PCDHGB2: variants seen among roughly 807,000 people sequenced by gnomAD.
PCDHGB2 encodes protocadherin gamma subfamily B, 2, also known as protocadherin gamma-B2.
PCDHGB2 carries 55 observed loss-of-function variants against 59.3 expected under a neutral mutation model. The observed-to-expected ratio is 0.93, with a 90% CI of 0.75 to 1.16. The LOEUF (loss-of-function observed/expected upper bound fraction) is 1.16, where lower values mean the gene tolerates loss of function less well. PCDHGB2 is among the 50% of genes most tolerant of loss of function. The pLI, the probability that PCDHGB2 is intolerant of heterozygous loss-of-function variation, is 0.00. For missense variants in PCDHGB2, 1,228 were observed against 1,198.5 expected (o/e 1.02, Z -0.36); for synonymous variants, 516 against 512.0 (o/e 1.01, Z -0.11).
At chr5:141,418,901 A>G in intron 1 of PCDHGB2, 1 of 1,614,016 alleles carries the variant, frequency 6.2e-7, no homozygotes, top group East Asian at 2.2e-5. Context: ...CCCAGAAATA[A>G]TCATCACGTC....
rs1562137828 is a variant in PCDHGB2 at position 141,490,359 on chromosome 5, T to C, written c.2422-4448T>C. On this transcript the variant is annotated intron_variant, in intron 1 of 3. Transcript: ENST00000522605. This position sits in a 1 kb window ranked among gnomAD's most constrained non-coding sequence, Gnocchi z 5.4. ...TGGGCACAGTAGTGGGGTTGTTTAA[T>C]GTGCGAGACCGGGACTCAGGTAGAA... The C allele has an allele frequency of 1.9e-6, 3 of 1,614,212 alleles. No individual in the cohort carries two copies. The highest frequency in any genetic ancestry group is 2.5e-6 in the Non-Finnish European group (3 of 1,180,036).
At chr5:141,395,196 G>T (rs1431851304) in intron 1 of PCDHGB2, 1 of 1,613,948 alleles carries the variant, frequency 6.2e-7, no homozygotes, top group Non-Finnish European at 8.5e-7. Context: ...GTTAACATCC[G>T]TAGATTTTCA....
chr5:141,370,752 A>G (rs1561547929), intron 1 of PCDHGB2: 1 of 1,613,836 alleles, frequency 6.2e-7, no homozygotes, highest in African/African-American at 1.3e-5. Flanking sequence ...TTTTCATGTA[A>G]CTGTGCTGAT....
At chr5:141,402,124 A>G (rs150020541) in intron 1 of PCDHGB2, among the ~76,000 whole-genome samples, 1 of 152,254 alleles carries the variant, frequency 6.6e-6, no homozygotes, top group East Asian at 1.9e-4. Flanking sequence ...AAAATTTCCA[A>G]CTTTAATCCT....
In PCDHGB2 at chr5:141,432,961, A is replaced by T. The variant is rs1457416543; in HGVS notation, c.2422-61846A>T. The T allele has an allele frequency of 1.5e-5, 25 of 1,613,952 alleles. 1 individual carries two copies. The South Asian group carries it at 2.3e-4, about 15-fold the overall frequency. ...AGGCTTCAGGAGGCGGCTTGACAGG[A>T]GCGCCGGCGTCGCACTTTGTGGGCG... On this transcript the variant is annotated intron_variant, in intron 1 of 3. Coordinates refer to ENST00000522605, the MANE Select transcript of PCDHGB2 (RefSeq NM_018923.3). This position sits in a 1 kb window ranked among gnomAD's most constrained non-coding sequence, Gnocchi z 6.0.
chr5:141,436,267 T>C (rs2097805427), intron 1 of PCDHGB2, among the ~76,000 whole-genome samples: 1 of 152,198 alleles, frequency 6.6e-6, no homozygotes, highest in South Asian at 2.1e-4. Flanking sequence ...TCTGCTCACC[T>C]AACTTGATTT....
chr5:141,404,499 C>T lies in PCDHGB2; in HGVS notation c.2421+41943C>T, dbSNP rs147632103. ...AACTCAGACACTGGTGTGCTGTATG[C>T]TCTGTGCTCCTTTGACTATGAGCAG... On this transcript the variant is annotated intron_variant, in intron 1 of 3. Coordinates refer to ENST00000522605, the MANE Select transcript of PCDHGB2 (RefSeq NM_018923.3). 1.0e-4 allele frequency: 163 copies of T among 1,613,840 alleles called. 1 individual carries two copies. The East Asian group carries it at 3.6e-3, about 36-fold the overall frequency.
intron 1 of PCDHGB2, among the ~76,000 whole-genome samples, chr5:141,488,713 C>A (rs1165389103): frequency 6.6e-6 from 1 of 152,184 alleles, no homozygotes; most frequent in Non-Finnish European, 1.5e-5. Context: ...CTGGTTCAAG[C>A]AAAGTGGTGG....
chr5:141,463,135 C>G (rs1352400365), intron 1 of PCDHGB2, among the ~76,000 whole-genome samples: 1 of 152,128 alleles, frequency 6.6e-6, no homozygotes, highest in African/African-American at 2.4e-5. Flanking sequence ...GGCAGTTCTT[C>G]GCCCAGCTGC....
At chr5:141,398,372 G>C in intron 1 of PCDHGB2, 1 of 1,437,202 alleles carries the variant, frequency 7.0e-7, no homozygotes, top group Non-Finnish European at 9.7e-7. Context: ...GCAGAGAGCG[G>C]GGAGTTGCTT....
At chr5:141,375,644 G>T (rs762047740) in intron 1 of PCDHGB2, 5 of 1,614,180 alleles carry the variant, frequency 3.1e-6, no homozygotes, top group Non-Finnish European at 4.2e-6. Context: ...GCGCTCCTTC[G>T]ACTATGAGCA....
intron 1 of PCDHGB2, chr5:141,396,409 A>C (rs2093377043): frequency 6.6e-6 from 1 of 152,270 alleles, no homozygotes; most frequent in Non-Finnish European, 1.5e-5. Context: ...ACCTGAGGTC[A>C]GGAGTTCAAG....
chr5:141,394,150 A>C (rs781168813), intron 1 of PCDHGB2: 2 of 1,613,798 alleles, frequency 1.2e-6, no homozygotes, highest in East Asian at 4.5e-5. Context: ...GCAGACATTA[A>C]CGACAACCCT....
intron 1 of PCDHGB2, chr5:141,376,323 G>C: frequency 2.5e-6 from 4 of 1,614,162 alleles, no homozygotes; most frequent in Non-Finnish European, 3.4e-6. Flanking sequence ...GAAGGGGTTC[G>C]GGCTTTCCTG....
At chr5:141,421,548 G>C in intron 1 of PCDHGB2, 1 of 1,613,984 alleles carries the variant, frequency 6.2e-7, no homozygotes, top group Non-Finnish European at 8.5e-7. Flanking sequence ...TTTTAAATAT[G>C]GAACTTCTCG....
rs768990626 is a variant in PCDHGB2, at chr5:141,427,590, C to T, written c.2421+65034C>T. On this transcript the variant is annotated intron_variant, in intron 1 of 3. Coordinates refer to ENST00000522605, the MANE Select transcript of PCDHGB2 (RefSeq NM_018923.3). ...GCCTCCGCTCTCATCCAGCACAAGCCTCACCCTACGCATTGGTGAAGTCAA... is the reference window on the plus strand; with the variant it reads ...GCCTCCGCTCTCATCCAGCACAAGCTTCACCCTACGCATTGGTGAAGTCAA... 44 of 678,892 alleles carry T rather than the reference C, an allele frequency of 6.5e-5. No individual in the cohort carries two copies. In the Admixed American group the frequency reaches 8.5e-4, roughly 13 times the overall value. The allele number at this position is 678,892 out of a possible 1,614,324, so 42.1% of individuals were successfully genotyped here.
intron 1 of PCDHGB2, chr5:141,372,365 C>G: frequency 6.2e-7 from 1 of 1,613,966 alleles, no homozygotes; most frequent in South Asian, 1.1e-5. Flanking sequence ...TTTCAGCCAC[C>G]GTCATGCTGC....
chr5:141,360,525 C>T lies in PCDHGB2; in HGVS notation c.390C>T (p.Thr130=). The part of the protein sequence containing the change: ...AVIVQDINDN[T]PLFKQTKINL... The stretch of plus-strand genomic sequence containing the variant: ...TTGTGCAGGATATAAATGATAATAC[C>T]CCGCTATTCAAACAGACTAAGATTA... Residue 130 remains threonine, a synonymous_variant, in exon 1 of 4, where the codon ACC becomes ACT. Coordinates refer to ENST00000522605, the MANE Select transcript of PCDHGB2 (RefSeq NM_018923.3). 6.2e-7 allele frequency: 1 copy of T among 1,613,772 alleles called. No homozygotes were observed. The highest frequency in any genetic ancestry group is 1.3e-5 in the African/African-American group (1 of 74,974).
intron 1 of PCDHGB2, chr5:141,404,461 C>T: frequency 1.2e-6 from 2 of 1,613,208 alleles, no homozygotes; most frequent in Non-Finnish European, 1.7e-6. Flanking sequence ...CTCTCTCCAC[C>T]TATGTCTCTA....
Sources: gnomAD v4.1 joint callset for allele counts (sites outside exome capture counted in the v4.1 genomes callset) on GRCh38, gnomAD v4.1.1 for gene constraint, Gnocchi (gnomAD v3.1) non-coding constraint, MANE v1.5 for transcripts, NCBI Gene and HGNC (gene_info 2026-07-23, HGNC 2026-07-21) for gene names.